The following GALNT17 variants were observed in gnomAD, a reference collection of about 807,000 sequenced individuals.
GALNT17 encodes the protein UDP-GalNAc:polypeptide N-acetylgalactosaminyltransferase-like 3.
A neutral mutation model predicts 63.7 loss-of-function variants in GALNT17; 29 were observed. The observed-to-expected ratio is 0.46, with a 90% CI of 0.34 to 0.62. GALNT17 has a LOEUF of 0.62. GALNT17 is among the 20% of genes least tolerant of loss of function. GALNT17 has a pLI of 0.01. For missense variants in GALNT17, 603 were observed against 799.6 expected (o/e 0.75, Z 2.97); for synonymous variants, 305 against 318.3 (o/e 0.96, Z 0.45).
chr7:71,272,487 C>G (rs1790611242), intron 1 of GALNT17, among the ~76,000 whole-genome samples: 1 of 152,170 alleles, frequency 6.6e-6, no homozygotes, highest in Non-Finnish European at 1.5e-5. Flanking sequence ...TCCTTGGTGA[C>G]ACTTGGTATT....
At chr7:71,672,797 C>T (rs1791089897) in intron 8 of GALNT17, among the ~76,000 whole-genome samples, 1 of 152,078 alleles carries the variant, frequency 6.6e-6, no homozygotes, top group African/African-American at 2.4e-5. Context: ...GTGATCCACT[C>T]GCCTCAGCCT....
intron 5 of GALNT17, among the ~76,000 whole-genome samples, chr7:71,450,049 A>C (rs1481423940): frequency 6.6e-6 from 1 of 152,126 alleles, no homozygotes; most frequent in Non-Finnish European, 1.5e-5. Context: ...CTCTCAAAAA[A>C]AAAAAAAAGA....
intron 2 of GALNT17, among the ~76,000 whole-genome samples, chr7:71,367,373 G>A (rs1309855110): frequency 6.7e-6 from 1 of 148,232 alleles, no homozygotes; most frequent in Non-Finnish European, 1.5e-5. Flanking sequence ...GGTTTACCTT[G>A]ACATGTGTGC....
chr7:71,697,050 G>A (rs1256704529), intron 9 of GALNT17, among the ~76,000 whole-genome samples: 4 of 152,154 alleles, frequency 2.6e-5, no homozygotes, highest in African/African-American at 9.7e-5. Flanking sequence ...ATACAGGGAA[G>A]GCAGGCTGGA....
At chr7:71,552,729 A>G (rs896985630) in intron 5 of GALNT17, among the ~76,000 whole-genome samples, 3 of 152,108 alleles carry the variant, frequency 2.0e-5, no homozygotes, top group African/African-American at 7.2e-5. Flanking sequence ...GGAGTGAGCC[A>G]CTGTGCCCGG....
At chr7:71,659,951 C>T (rs780140030) in intron 6 of GALNT17, among the ~76,000 whole-genome samples, 7 of 152,282 alleles carry the variant, frequency 4.6e-5, no homozygotes, top group East Asian at 1.9e-4. Flanking sequence ...TCGTGTTACA[C>T]GCTAGATTTT....
intron 5 of GALNT17, among the ~76,000 whole-genome samples, chr7:71,486,704 TAA>T (rs113797548): frequency 7.2e-6 from 1 of 139,792 alleles, no homozygotes. Context: ...ATAAGTCAAT[TAA>T]AAAAAAAAAA....
At chr7:71,376,571 GTGTGTGTCTGTC>G (rs144012989) in intron 2 of GALNT17, among the ~76,000 whole-genome samples, 3,117 of 151,372 alleles carry the variant, frequency 0.021, 127 homozygotes, top group African/African-American at 0.072. Context: ...GTGTATGTGT[GTGTGTGTCTGTC>G]TGTGTGTCTT....
chr7:71,376,425 G>GTGTTTTTT (rs1792726642), intron 2 of GALNT17, among the ~76,000 whole-genome samples: 1 of 63,360 alleles, frequency 1.6e-5, no homozygotes, highest in Non-Finnish European at 2.7e-5. Flanking sequence ...GTTTGGAGTT[G>GTGTTTTTT]TTTTTTTTTT....
intron 1 of GALNT17, among the ~76,000 whole-genome samples, chr7:71,181,982 C>G (rs1348367588): frequency 6.6e-6 from 1 of 152,084 alleles, no homozygotes; most frequent in Non-Finnish European, 1.5e-5. Context: ...TCAAGACCAG[C>G]CTGACCAATA....
intron 2 of GALNT17, among the ~76,000 whole-genome samples, chr7:71,386,852 C>T (rs755917946): frequency 1.3e-5 from 2 of 152,030 alleles, no homozygotes; most frequent in Admixed American, 6.5e-5. Flanking sequence ...TGATTATTGG[C>T]GTGGGTGTTT....
intron 6 of GALNT17, among the ~76,000 whole-genome samples, chr7:71,607,090 T>G (rs1170183035): frequency 6.6e-6 from 1 of 152,100 alleles, no homozygotes. Context: ...GAGGATTGCT[T>G]GAGGCCAGGA....
intron 1 of GALNT17, among the ~76,000 whole-genome samples, chr7:71,298,704 C>T (rs1791129453): frequency 1.0e-5 from 1 of 96,750 alleles, no homozygotes; most frequent in Non-Finnish European, 2.0e-5. Flanking sequence ...GACTTTTATT[C>T]CAGTGGGGTG....
At chr7:71,554,384 G>A (rs987991271) in intron 5 of GALNT17, among the ~76,000 whole-genome samples, 3 of 152,114 alleles carry the variant, frequency 2.0e-5, no homozygotes, top group Non-Finnish European at 2.9e-5. Context: ...TTTGCCTTTC[G>A]CCATGATGGT....
rs374365742 is a variant in GALNT17, at chr7:71,305,535, C to T, written c.239-30015C>T. ...TAAAATCTGGGCTCTCATTTCATGG[C>T]GATGTCTTTGGTCTTTGTGTTGAAA... On this transcript the variant is annotated intron_variant, in intron 1 of 10. Coordinates refer to ENST00000333538, the MANE Select transcript of GALNT17 (RefSeq NM_022479.3). Among the ~76,000 whole-genome samples the T allele has an allele frequency of 5.7e-4, 87 of 152,246 alleles. 1 individual carries two copies. The highest frequency in any genetic ancestry group is 3.4e-3 in the Middle Eastern group (1 of 292).
chr7:71,701,731 A>ATG (rs1791635284), intron 9 of GALNT17, among the ~76,000 whole-genome samples: 1 of 138,202 alleles, frequency 7.2e-6, no homozygotes, highest in African/African-American at 2.7e-5. Flanking sequence ...GTATGTATAT[A>ATG]TATATATATG....
intron 1 of GALNT17, among the ~76,000 whole-genome samples, chr7:71,324,165 T>C (rs899542669): frequency 1.3e-5 from 2 of 152,162 alleles, no homozygotes; most frequent in Non-Finnish European, 2.9e-5. Context: ...TTGGGATTAT[T>C]TTCCATAGGC....
chr7:71,578,716 C>T (rs1789579431), intron 6 of GALNT17, among the ~76,000 whole-genome samples: 1 of 152,172 alleles, frequency 6.6e-6, no homozygotes, highest in African/African-American at 2.4e-5. Flanking sequence ...TTCCCACTCC[C>T]ACAGGTCTCT....
chr7:71,538,010 G>C (rs1429401379), intron 5 of GALNT17, among the ~76,000 whole-genome samples: 6 of 152,076 alleles, frequency 3.9e-5, no homozygotes, highest in African/African-American at 1.4e-4. Flanking sequence ...CCTACGCCTT[G>C]ATTTTGGACT....
Sources: gnomAD v4.1 joint callset for allele counts (sites outside exome capture counted in the v4.1 genomes callset) on GRCh38, gnomAD v4.1.1 for gene constraint, MANE v1.5 for transcripts, NCBI Gene and HGNC (gene_info 2026-07-23, HGNC 2026-07-21) for gene names.